Variants in PDE6A observed in about 807,000 individuals in gnomAD.
PDE6A encodes the protein rod cGMP-specific 3',5'-cyclic phosphodiesterase subunit alpha.
PDE6A carries 84 observed loss-of-function variants against 106.3 expected under a neutral mutation model. The observed-to-expected ratio is 0.79, with a 90% confidence interval of 0.66 to 0.95. The LOEUF is 0.95. Ranked by LOEUF, PDE6A falls within the 40% of genes least tolerant of loss-of-function variation. PDE6A has a pLI of 0.00. For synonymous variants in PDE6A, 394 were observed against 386.6 expected, an observed-to-expected ratio of 1.02 and a Z score of -0.23; for missense variants, 1,052 against 1,084.9, an observed-to-expected ratio of 0.97 and a Z score of 0.43.
In PDE6A at chr5:149,944,289, C is replaced by A. The variant is rs577079672; in HGVS notation, c.385G>T (p.Asp129Tyr). The change falls in exon 1 of 22, where the codon GAC (aspartate) becomes TAC (tyrosine). Residue 129 changes from aspartate to tyrosine, a missense_variant. Transcript: ENST00000255266. ...AVLEDCLVMPDQEIVFPLDMG... is the reference protein window; with the variant it reads ...AVLEDCLVMPYQEIVFPLDMG... The stretch of plus-strand genomic sequence containing the variant: ...TCCAAAGGGAAGACGATCTCTTGGT[C>A]GGGCATCACCAGGCAGTCCTCGAGG... The A allele has an allele frequency of 3.1e-6, 5 of 1,613,824 alleles. No individual in the cohort carries two copies. The African/African-American group carries it at 4.0e-5, about 13-fold the overall frequency.
At chr5:149,875,421 T>C (rs1366155483) in intron 17 of PDE6A, among the ~76,000 whole-genome samples, 1 of 152,146 alleles carries the variant, frequency 6.6e-6, no homozygotes, top group Non-Finnish European at 1.5e-5. Context: ...TAAGTTGACA[T>C]CTTAAACTAT....
At chr5:149,930,520 G>A (rs1754001003) in intron 4 of PDE6A, among the ~76,000 whole-genome samples, 1 of 152,230 alleles carries the variant, frequency 6.6e-6, no homozygotes, top group African/African-American at 2.4e-5. Context: ...ATCGCTGGGA[G>A]CGACATCGAA....
intron 5 of PDE6A, among the ~76,000 whole-genome samples, chr5:149,918,324 A>T (rs1340492296): frequency 6.6e-6 from 1 of 152,210 alleles, no homozygotes; most frequent in Non-Finnish European, 1.5e-5. Flanking sequence ...GCTGAAAGGG[A>T]AAGGTGACAA....
intron 7 of PDE6A, among the ~76,000 whole-genome samples, chr5:149,904,620 C>A (rs1026986771): frequency 2.0e-5 from 3 of 152,078 alleles, no homozygotes; most frequent in African/African-American, 7.2e-5. Flanking sequence ...AAAAAGGCAC[C>A]ACCTGGGCTT....
chr5:149,925,176 C>T (rs930098447), intron 4 of PDE6A, among the ~76,000 whole-genome samples: 5 of 151,966 alleles, frequency 3.3e-5, no homozygotes, highest in Non-Finnish European at 5.9e-5. Flanking sequence ...AGACAATTCA[C>T]GGAAAAATCT....
In PDE6A at chr5:149,928,208, G is replaced by GATATATATATATAT. The variant is rs1228867964; in HGVS notation, c.858+2819_858+2820insATATATATATATAT. On this transcript the variant is annotated intron_variant, in intron 4 of 21. Transcript: ENST00000255266. Reference sequence around the variant, plus strand: ...TGTACTACAGCTCATAATTGTATGTGCTATATATATATATATATATATATT... The same window carrying GATATATATATATAT: ...TGTACTACAGCTCATAATTGTATGTGATATATATATATATCTATATATATATATATATATATATT... Among the ~76,000 whole-genome samples, 572 of 57,610 alleles carry GATATATATATATAT rather than the reference G, an allele frequency of 9.9e-3. 26 individuals are homozygous for GATATATATATATAT. Among genetic ancestry groups the GATATATATATATAT allele is most frequent in the Middle Eastern group, 0.019 (2 of 108 alleles). The allele number at this position is 57,610 out of a possible 152,430, so 37.8% of individuals were successfully genotyped here.
chr5:149,880,927 G>T (rs914330553), intron 17 of PDE6A, among the ~76,000 whole-genome samples: 1 of 152,066 alleles, frequency 6.6e-6, no homozygotes, highest in African/African-American at 2.4e-5. Flanking sequence ...GCTGGGAATG[G>T]TGGCGGGTGC....
chr5:149,944,624 A>G lies in PDE6A; in HGVS notation c.50T>C (p.Ile17Thr). Residue 17 changes from isoleucine to threonine, a missense_variant, in exon 1 of 22, where the codon ATT (isoleucine) becomes ACT (threonine). Physicochemically the swap from Ile to Thr is moderately conservative, Grantham distance 89 (BLOSUM62 -1). Transcript: ENST00000255266. The part of the protein sequence containing the change: ...EEVEKFLDSN[I>T]GFAKQYYNLH... ...GTTGTAGTACTGTTTGGCAAAGCCA[A>G]TATTCGAGTCCAGGAACTTCTCCAC... The G allele has an allele frequency of 1.2e-6, 2 of 1,613,734 alleles. No individual in the cohort carries two copies. The highest frequency in any genetic ancestry group is 1.7e-6 in the Non-Finnish European group (2 of 1,179,896).
intron 17 of PDE6A, among the ~76,000 whole-genome samples, chr5:149,881,487 A>G (rs1011184223): frequency 2.6e-5 from 4 of 152,230 alleles, no homozygotes; most frequent in Admixed American, 6.5e-5. Context: ...AAGCAAATTA[A>G]CACAAGAATG....
In PDE6A at chr5:149,859,611, A is replaced by G. The variant is rs1760059921; in HGVS notation, c.*1284T>C. On this transcript the variant is annotated 3_prime_UTR_variant, in exon 22 of 22. Coordinates refer to ENST00000255266, the MANE Select transcript of PDE6A (RefSeq NM_000440.3). ...TATCCCATGCTCAGCCAAGATGGCC[A>G]GGCCTCTCCACCTGGCATGGATCAG... 1 of 152,348 alleles carries G rather than the reference A, an allele frequency of 6.6e-6. No individual in the cohort carries two copies. The highest frequency in any genetic ancestry group is 6.5e-5 in the Admixed American group (1 of 15,286). 9.4% of individuals were successfully genotyped at this position (152,348 alleles called of 1,614,324 possible). A position where few individuals can be genotyped will look rare whatever the true frequency, so the allele number is the denominator to read the frequency against.
At chr5:149,874,671 G>A (rs1395128610) in intron 17 of PDE6A, among the ~76,000 whole-genome samples, 1 of 152,156 alleles carries the variant, frequency 6.6e-6, no homozygotes, top group Non-Finnish European at 1.5e-5. Flanking sequence ...AAAGTTCCAA[G>A]CTTCAAATGA....
At chr5:149,879,962 C>A (rs1760868283) in intron 17 of PDE6A, among the ~76,000 whole-genome samples, 2 of 152,144 alleles carry the variant, frequency 1.3e-5, no homozygotes, top group South Asian at 4.1e-4. Flanking sequence ...GAACTTACAC[C>A]TTTCTCCACT....
chr5:149,897,441 G>T (rs1752796045), intron 10 of PDE6A, among the ~76,000 whole-genome samples: 1 of 152,192 alleles, frequency 6.6e-6, no homozygotes, highest in Non-Finnish European at 1.5e-5. Flanking sequence ...TGAAACTGTG[G>T]ACTGAGTCAA....
intron 17 of PDE6A, among the ~76,000 whole-genome samples, chr5:149,881,225 G>A (rs914278069): frequency 3.3e-5 from 5 of 152,182 alleles, no homozygotes; most frequent in African/African-American, 7.2e-5. Flanking sequence ...ATTACCATTC[G>A]ACCCAACATC....
intron 9 of PDE6A, 116 bp downstream of exon 9, chr5:149,899,259 G>T: frequency 1.0e-6 from 1 of 954,890 alleles, no homozygotes; most frequent in Non-Finnish European, 1.7e-6. Context: ...TGATGAGGCA[G>T]AGTCAGGGTT....
chr5:149,897,512 G>A (rs1215509995), intron 10 of PDE6A, among the ~76,000 whole-genome samples: 1 of 152,182 alleles, frequency 6.6e-6, no homozygotes, highest in Non-Finnish European at 1.5e-5. Flanking sequence ...AACAGTTATT[G>A]GAATGAAATG....
In PDE6A at chr5:149,895,237, G is replaced by C. The variant is rs375659222; in HGVS notation, c.1674C>G (p.Tyr558Ter). 5 of 1,614,048 alleles carry C rather than the reference G, an allele frequency of 3.1e-6. No homozygotes were observed. The highest frequency in any genetic ancestry group is 4.2e-6 in the Non-Finnish European group (5 of 1,179,996). Residue 558 changes from tyrosine to a stop codon, truncating the protein, a stop_gained, in exon 13 of 22, where the codon TAC (tyrosine) becomes TAG (stop). Transcript: ENST00000255266. LOFTEE classifies it high-confidence loss of function. Reference protein sequence around the residue: ...SLSKGYRKITYHNWRHGFNVG... With the variant: ...SLSKGYRKIT ...CGTTGAAGCCGTGCCGCCAGTTGTG[G>C]TAGGTGATCTTGCGGTAGCCCTTAC...
intron 1 of PDE6A, among the ~76,000 whole-genome samples, chr5:149,938,132 C>A (rs995305375): frequency 6.6e-6 from 1 of 152,160 alleles, no homozygotes; most frequent in South Asian, 2.1e-4. Context: ...AAGCAGACCA[C>A]GCTGGGGACC....
At chr5:149,899,651 A>T in intron 8 of PDE6A, 127 bp from the exon 9 acceptor site, 1 of 925,214 alleles carries the variant, frequency 1.1e-6, no homozygotes, top group Non-Finnish European at 1.8e-6. Flanking sequence ...AGTTCATTGG[A>T]TTTCGCATGA....
Sources: gnomAD v4.1 joint callset for allele counts (sites outside exome capture counted in the v4.1 genomes callset) on GRCh38, gnomAD v4.1.1 for gene constraint, MANE v1.5 for transcripts, NCBI Gene and HGNC (gene_info 2026-07-23, HGNC 2026-07-21) for gene names.